Variants in FHIT observed in about 807,000 individuals in gnomAD.
FHIT encodes the protein bis(5'-adenosyl)-triphosphatase.
In FHIT, 19 loss-of-function variants were observed where a neutral mutation model predicts 17.9. That is an observed-to-expected ratio of 1.06 (90% CI 0.74 to 1.56). The LOEUF is 1.56. Ranked by LOEUF, FHIT falls within the 40% of genes most tolerant of loss-of-function variation. The pLI is 0.00. For synonymous variants in FHIT, 81 were observed against 69.7 expected (o/e 1.16, Z -0.81); for missense variants, 248 against 189.2 (o/e 1.31, Z -1.82).
At chr3:60,479,862 C>G (rs1559948843) in intron 5 of FHIT, among the ~76,000 whole-genome samples, 2 of 152,146 alleles carry the variant, frequency 1.3e-5, no homozygotes, top group Non-Finnish European at 2.9e-5. Flanking sequence ...CCCCATGACC[C>G]CTGTCTGTTG....
At chr3:60,470,674 A>C (rs1427405119) in intron 5 of FHIT, among the ~76,000 whole-genome samples, 1 of 151,922 alleles carries the variant, frequency 6.6e-6, no homozygotes, top group African/African-American at 2.4e-5. Context: ...GAAATCAGAG[A>C]TCCTAGGAGC....
chr3:60,700,402 A>G (rs2041218585), intron 4 of FHIT, among the ~76,000 whole-genome samples: 1 of 152,176 alleles, frequency 6.6e-6, no homozygotes, highest in Non-Finnish European at 1.5e-5. Flanking sequence ...CTGCCATATC[A>G]TGGACATGCT....
chr3:60,117,096 C>T (rs1405182839), intron 5 of FHIT, among the ~76,000 whole-genome samples: 2 of 151,974 alleles, frequency 1.3e-5, no homozygotes, highest in Non-Finnish European at 2.9e-5. Flanking sequence ...ATTGTACAGG[C>T]TTACTGGATT....
chr3:60,772,241 A>T (rs1331476323), intron 4 of FHIT, among the ~76,000 whole-genome samples: 3 of 145,304 alleles, frequency 2.1e-5, no homozygotes, highest in African/African-American at 7.6e-5. Context: ...TGATATGCAG[A>T]AGCATCCAGA....
intron 3 of FHIT, among the ~76,000 whole-genome samples, chr3:60,855,194 G>C (rs1320546261): frequency 6.6e-6 from 1 of 152,094 alleles, no homozygotes; most frequent in Admixed American, 6.6e-5. Context: ...CATGTGCTTA[G>C]CCTTAGATAA....
chr3:60,657,850 A>C (rs2040153586), intron 4 of FHIT, among the ~76,000 whole-genome samples: 1 of 152,156 alleles, frequency 6.6e-6, no homozygotes, highest in South Asian at 2.1e-4. Flanking sequence ...ATTTCATAAC[A>C]ATGTATCCAA....
intron 5 of FHIT, among the ~76,000 whole-genome samples, chr3:60,042,386 T>C (rs1469585568): frequency 6.6e-6 from 1 of 152,178 alleles, no homozygotes; most frequent in Non-Finnish European, 1.5e-5. Context: ...TACCACAAAC[T>C]GGCTGGCTTA....
At chr3:60,162,265 C>T (rs1286395537) in intron 5 of FHIT, among the ~76,000 whole-genome samples, 1 of 152,110 alleles carries the variant, frequency 6.6e-6, no homozygotes, top group Non-Finnish European at 1.5e-5. Flanking sequence ...TTTATAATAA[C>T]TTCCAATGTA....
At chr3:60,624,057 G>A (rs1553679850) in intron 4 of FHIT, among the ~76,000 whole-genome samples, 1 of 152,192 alleles carries the variant, frequency 6.6e-6, no homozygotes, top group Admixed American at 6.5e-5. Context: ...AACTGACTCA[G>A]AGCACATTCA....
rs146345827 is a variant in FHIT, at chr3:60,019,636, G to T, written c.104-5484C>A. On this transcript the variant is annotated intron_variant, in intron 5 of 9. Coordinates refer to ENST00000492590, the MANE Select transcript of FHIT (RefSeq NM_002012.4). ...TTTCTCCACGTTGGTCAGGCTGGTC[G>T]TAAACTCCCGACCTTAGGTGATCCA... Among the ~76,000 whole-genome samples the T allele has an allele frequency of 7.8e-3, 1,182 of 152,044 alleles. 10 individuals carry two copies. The highest frequency in any genetic ancestry group is 0.01 in the Non-Finnish European group (712 of 67,962).
intron 5 of FHIT, among the ~76,000 whole-genome samples, chr3:60,488,689 T>C (rs1364910589): frequency 1.3e-5 from 2 of 152,182 alleles, no homozygotes; most frequent in Non-Finnish European, 2.9e-5. Context: ...AGCAGTCCTA[T>C]GTTGCCTAGT....
intron 3 of FHIT, 78 bp from the exon 4 acceptor site, chr3:60,822,089 G>A (rs567089144): frequency 2.6e-5 from 4 of 152,210 alleles, no homozygotes; most frequent in East Asian, 1.9e-4. Context: ...CATTAGGAAC[G>A]TTCACCATGA....
At chr3:60,830,345 C>T (rs1267460637) in intron 3 of FHIT, among the ~76,000 whole-genome samples, 2 of 152,092 alleles carry the variant, frequency 1.3e-5, no homozygotes, top group Non-Finnish European at 2.9e-5. Context: ...AAAAAAGTGG[C>T]TGAAAAGTTT....
intron 5 of FHIT, among the ~76,000 whole-genome samples, chr3:60,325,555 A>T (rs867852772): frequency 6.6e-6 from 1 of 152,256 alleles, no homozygotes; most frequent in Non-Finnish European, 1.5e-5. Context: ...TTGGGTTTTT[A>T]AACTCTTCTC....
At chr3:59,819,196 A>G (rs552034758) in intron 8 of FHIT, among the ~76,000 whole-genome samples, 2 of 152,322 alleles carry the variant, frequency 1.3e-5, no homozygotes, top group African/African-American at 2.4e-5. Flanking sequence ...CTTTTCTTAC[A>G]GTTCTGGATT....
intron 5 of FHIT, among the ~76,000 whole-genome samples, chr3:60,347,527 C>T (rs1228495351): frequency 6.6e-6 from 1 of 152,092 alleles, no homozygotes; most frequent in Non-Finnish European, 1.5e-5. Flanking sequence ...GTAACACTCT[C>T]ACATCAATAG....
At chr3:60,146,246 A>AT (rs1178222108) in intron 5 of FHIT, among the ~76,000 whole-genome samples, 5 of 7,070 alleles carry the variant, frequency 7.1e-4, no homozygotes, top group African/African-American at 4.0e-3. Context: ...CAATATACTC[A>AT]TTTAAAAAAA....
At chr3:60,581,119 C>G (rs1249077693) in intron 4 of FHIT, among the ~76,000 whole-genome samples, 1 of 152,090 alleles carries the variant, frequency 6.6e-6, no homozygotes, top group Non-Finnish European at 1.5e-5. Flanking sequence ...CTCTCATTCT[C>G]TCTTGCTCAC....
intron 5 of FHIT, among the ~76,000 whole-genome samples, chr3:60,251,431 T>G (rs1427437209): frequency 7.2e-5 from 11 of 152,166 alleles, no homozygotes; most frequent in Non-Finnish European, 1.2e-4. Context: ...ACATCTTCAA[T>G]TGCACAAAAG....
Sources: allele counts gnomAD v4.1 joint callset (sites outside exome capture counted in the v4.1 genomes callset), GRCh38; gene constraint gnomAD v4.1.1; transcripts MANE v1.5; gene names NCBI Gene and HGNC (gene_info 2026-07-23, HGNC 2026-07-21).